The following RBFOX1 variants were observed in gnomAD, a reference collection of about 807,000 sequenced individuals.
The protein encoded by RBFOX1 is RNA binding fox-1 homolog 1.
A neutral mutation model predicts 57.7 loss-of-function variants in RBFOX1; 8 were observed. The observed-to-expected ratio is 0.14, with a 90% CI of 0.08 to 0.25. The LOEUF is 0.25. Ranked by LOEUF, RBFOX1 falls within the 10% of genes least tolerant of loss-of-function variation. The pLI is 1.00. For missense variants in RBFOX1, 611 were observed against 548.5 expected (o/e 1.11, Z -1.14); for synonymous variants, 326 against 222.4 (o/e 1.47, Z -4.15).
intron 2 of RBFOX1, among the ~76,000 whole-genome samples, chr16:6,518,016 C>T (rs775834726): frequency 2.0e-5 from 3 of 152,152 alleles, no homozygotes; most frequent in Non-Finnish European, 4.4e-5. Context: ...CTTGATGCCT[C>T]ATTGACTCTG....
At chr16:6,814,236 A>G (rs528722262) in intron 3 of RBFOX1, among the ~76,000 whole-genome samples, 26 of 138,246 alleles carry the variant, frequency 1.9e-4, no homozygotes, top group African/African-American at 6.8e-4. Flanking sequence ...AATAACACAG[A>G]GAGAAAATTG....
At chr16:7,194,105 C>G (rs1567653443) in intron 4 of RBFOX1, among the ~76,000 whole-genome samples, 1 of 152,078 alleles carries the variant, frequency 6.6e-6, no homozygotes, top group Admixed American at 6.6e-5. Flanking sequence ...ATTTCTCTTT[C>G]CATTACCCTA....
At chr16:5,883,112 A>G (rs1017760267) in intron 4 of RBFOX1, among the ~76,000 whole-genome samples, 5 of 152,182 alleles carry the variant, frequency 3.3e-5, no homozygotes, top group Non-Finnish European at 7.3e-5. Context: ...ATCATGTATC[A>G]TACAGTACTG....
chr16:7,443,687 C>T (rs1324166021), intron 4 of RBFOX1, among the ~76,000 whole-genome samples: 2 of 152,160 alleles, frequency 1.3e-5, no homozygotes, highest in African/African-American at 4.8e-5. Context: ...TATATATCTA[C>T]TTTTCACAAA....
chr16:6,557,798 C>A (rs1392738226), intron 2 of RBFOX1, among the ~76,000 whole-genome samples: 2 of 152,116 alleles, frequency 1.3e-5, no homozygotes, highest in African/African-American at 4.8e-5. Context: ...TGTTTTATTT[C>A]GTGGTGCAGG....
chr16:6,793,922 G>C (rs907843119), intron 3 of RBFOX1, among the ~76,000 whole-genome samples: 1 of 152,096 alleles, frequency 6.6e-6, no homozygotes, highest in Non-Finnish European at 1.5e-5. Flanking sequence ...CAGTAGTCCA[G>C]GGGAGTGATC....
intron 3 of RBFOX1, among the ~76,000 whole-genome samples, chr16:6,742,490 GAAATGAA>G (rs916880678): frequency 6.6e-6 from 1 of 152,060 alleles, no homozygotes; most frequent in Non-Finnish European, 1.5e-5. Context: ...TTATTCCACA[GAAATGAA>G]AGTTAATGTC....
At chr16:5,611,778 CCA>C (rs2047814512) in intron 3 of RBFOX1, among the ~76,000 whole-genome samples, 1 of 118,454 alleles carries the variant, frequency 8.4e-6, no homozygotes, top group Admixed American at 9.0e-5. Flanking sequence ...TCCCATCCAT[CCA>C]TCCATCCATC....
In RBFOX1 at chr16:6,646,988, A is replaced by G. The variant is rs1418423790; in HGVS notation, c.-63-7615A>G. ...AACCTTGTCTTAGTCAGCCTGGGCT[A>G]CCCTAACAAACTGCCATAGACTGGA... On this transcript the variant is annotated intron_variant, in intron 2 of 15. Transcript: ENST00000550418. Among the ~76,000 whole-genome samples the G allele has an allele frequency of 3.9e-5, 6 of 152,154 alleles. No homozygotes were observed. In the East Asian group the frequency reaches 1.2e-3, roughly 29 times the overall value.
intron 2 of RBFOX1, among the ~76,000 whole-genome samples, chr16:6,476,349 G>C (rs891230446): frequency 1.3e-4 from 20 of 152,166 alleles, no homozygotes; most frequent in African/African-American, 4.3e-4. Flanking sequence ...AAGACCTATA[G>C]ATGTACAGGC....
rs1446889018 is a variant in RBFOX1, at chr16:5,839,393, C to A, written c.319-27910C>A. On this transcript the variant is annotated intron_variant, in intron 3 of 19. Transcript: ENST00000641259. ...CAAAAGCCCTTTTCTTGGTTTATGG[C>A]CCTAATTCCTTTAGCCCTCTCCACA... Among the ~76,000 whole-genome samples the A allele has an allele frequency of 3.2e-4, 48 of 152,142 alleles. 1 individual carries two copies. Among genetic ancestry groups the A allele is most frequent in the Non-Finnish European group, 5.9e-5 (4 of 68,030 alleles).
chr16:5,957,709 T>C (rs967523203), intron 4 of RBFOX1, among the ~76,000 whole-genome samples: 3 of 152,116 alleles, frequency 2.0e-5, no homozygotes, highest in Admixed American at 6.5e-5. Context: ...GTGTGTATAT[T>C]TGGGGGGCAC....
chr16:6,859,129 A>ATATATGTGTATATATATG (rs1567592071), intron 3 of RBFOX1, among the ~76,000 whole-genome samples: 1 of 75,684 alleles, frequency 1.3e-5, no homozygotes, highest in African/African-American at 8.2e-5. Context: ...ATATATATAT[A>ATATATGTGTATATATATG]CATATATATA....
chr16:5,598,256 A>G (rs956349790), intron 2 of RBFOX1, among the ~76,000 whole-genome samples: 33 of 151,954 alleles, frequency 2.2e-4, no homozygotes, highest in Non-Finnish European at 4.7e-4. Context: ...AAAGTAGTGC[A>G]TAGCATTGCA....
chr16:7,132,666 C>T (rs1439866952), intron 4 of RBFOX1, among the ~76,000 whole-genome samples: 1 of 151,466 alleles, frequency 6.6e-6, no homozygotes, highest in African/African-American at 2.4e-5. Flanking sequence ...ATAAGGGCAG[C>T]CTGACGCACA....
chr16:6,659,087 G>C (rs58066113), intron 3 of RBFOX1, among the ~76,000 whole-genome samples: 2 of 152,100 alleles, frequency 1.3e-5, no homozygotes, highest in East Asian at 3.9e-4. Context: ...CTGTGTTTCT[G>C]CTGGGGCACT....
chr16:6,348,089 G>A (rs907742898), intron 2 of RBFOX1, among the ~76,000 whole-genome samples: 6 of 152,162 alleles, frequency 3.9e-5, no homozygotes, highest in African/African-American at 1.4e-4. Flanking sequence ...AAAGAGGCAG[G>A]AGTGCTCTGA....
At chr16:5,704,190 T>C (rs1005091110) in intron 3 of RBFOX1, among the ~76,000 whole-genome samples, 1 of 152,096 alleles carries the variant, frequency 6.6e-6, no homozygotes, top group Non-Finnish European at 1.5e-5. Flanking sequence ...AGTACCCAGA[T>C]GGAGGAGGAC....
intron 1 of RBFOX1, among the ~76,000 whole-genome samples, chr16:5,427,965 G>A (rs1437423501): frequency 6.6e-6 from 1 of 152,204 alleles, no homozygotes; most frequent in Non-Finnish European, 1.5e-5. Flanking sequence ...GGAAACTCTT[G>A]ACGAGAAGCT....
Sources: allele counts gnomAD v4.1 joint callset (sites outside exome capture counted in the v4.1 genomes callset), GRCh38; gene constraint gnomAD v4.1.1; transcripts MANE v1.5; gene names NCBI Gene and HGNC (gene_info 2026-07-23, HGNC 2026-07-21).